Variants in TMEM117 observed in about 807,000 individuals in gnomAD.
TMEM117 encodes the protein transmembrane protein 117.
Under a neutral mutation model 52.4 loss-of-function variants are expected in TMEM117, and 27 were observed. The ratio of observed to expected loss-of-function variants is 0.51; its 90% CI spans 0.38 to 0.71. The LOEUF (loss-of-function observed/expected upper bound fraction) is 0.71, where lower values mean the gene tolerates loss of function less well. TMEM117 is among the 30% of genes least tolerant of loss of function. The probability of loss-of-function intolerance (pLI) is 0.00; values close to 1 mark genes in which losing one functional copy is unlikely to be tolerated. For synonymous variants in TMEM117, 215 were observed against 206.3 expected, an observed-to-expected ratio of 1.04 and a Z score of -0.36; for missense variants, 556 against 630.5, an observed-to-expected ratio of 0.88 and a Z score of 1.26.
chr12:43,819,839 A>G, the TMEM117 span, among the ~76,000 whole-genome samples: 1 of 152,152 alleles, frequency 6.6e-6, no homozygotes, highest in African/African-American at 2.4e-5. Context: ...GAAGGAGGGA[A>G]GGAAGGGGCA....
intron 3 of TMEM117, among the ~76,000 whole-genome samples, chr12:44,107,913 A>G (rs1192500878): frequency 6.6e-6 from 1 of 152,176 alleles, no homozygotes; most frequent in Non-Finnish European, 1.5e-5. Flanking sequence ...TCCTGCACTG[A>G]ACCAATTGAA....
chr12:44,289,449 T>C (rs1216008765), intron 5 of TMEM117, among the ~76,000 whole-genome samples: 3 of 152,094 alleles, frequency 2.0e-5, no homozygotes, highest in African/African-American at 4.8e-5. Context: ...TTATTTTTAA[T>C]TTTTTGAAGA....
chr12:44,209,539 A>C (rs1239218350), intron 4 of TMEM117, among the ~76,000 whole-genome samples: 1 of 152,162 alleles, frequency 6.6e-6, no homozygotes, highest in Admixed American at 6.6e-5. Flanking sequence ...AGTGATTGAC[A>C]GTTTAAAGAG....
rs3907469 is a variant in TMEM117 at position 44,149,234 on chromosome 12, G to A, written c.510+5610G>A. ...TGTTGATCCCAGCTCTGGGGCAGAA[G>A]GAAGCTGGGTTGAGATATGTCCCTT... On this transcript the variant is annotated intron_variant, in intron 4 of 7. Transcript: ENST00000266534. Among the ~76,000 whole-genome samples the A allele has an allele frequency of 2.0e-5, 3 of 152,290 alleles. No individual in the cohort carries two copies. In the East Asian group the frequency reaches 5.8e-4, roughly 29 times the overall value.
intron 6 of TMEM117, among the ~76,000 whole-genome samples, chr12:44,352,993 T>G (rs1445299212): frequency 6.6e-6 from 1 of 152,148 alleles, no homozygotes; most frequent in African/African-American, 2.4e-5. Context: ...CCATTCTAAC[T>G]GGTGTGAGAT....
At chr12:43,924,144 T>C (rs967587479) in intron 2 of TMEM117, among the ~76,000 whole-genome samples, 3 of 152,204 alleles carry the variant, frequency 2.0e-5, no homozygotes, top group African/African-American at 7.2e-5. Context: ...ATCTCTTTTC[T>C]GTAAATACAG....
chr12:44,268,363 C>T (rs1034447241), intron 5 of TMEM117, among the ~76,000 whole-genome samples: 2 of 151,812 alleles, frequency 1.3e-5, no homozygotes, highest in African/African-American at 4.8e-5. Context: ...AGGCTGGTCT[C>T]GAACTCCTGA....
intron 2 of TMEM117, among the ~76,000 whole-genome samples, chr12:43,896,188 C>G (rs1490985060): frequency 6.6e-6 from 1 of 152,194 alleles, no homozygotes; most frequent in Non-Finnish European, 1.5e-5. Flanking sequence ...TAATTGAGCT[C>G]CTACCTTGCA....
chr12:43,919,396 C>T (rs929298104), intron 2 of TMEM117, among the ~76,000 whole-genome samples: 5 of 152,190 alleles, frequency 3.3e-5, no homozygotes, highest in African/African-American at 4.8e-5. Flanking sequence ...CTGTCTTTGT[C>T]CTGTGACTGG....
At chr12:44,182,891 G>A (rs935893926) in intron 4 of TMEM117, among the ~76,000 whole-genome samples, 3 of 152,046 alleles carry the variant, frequency 2.0e-5, no homozygotes, top group African/African-American at 7.2e-5. Context: ...AATCCAAACT[G>A]TTACTTTAAA....
At chr12:44,114,736 A>G (rs868850517) in intron 3 of TMEM117, among the ~76,000 whole-genome samples, 43 of 152,352 alleles carry the variant, frequency 2.8e-4, no homozygotes, top group South Asian at 6.2e-4. Context: ...AAGTCACCAC[A>G]TAAGTATTAG....
chr12:43,848,772 T>C (rs963236438), intron 2 of TMEM117, among the ~76,000 whole-genome samples: 3 of 152,098 alleles, frequency 2.0e-5, no homozygotes, highest in Middle Eastern at 3.2e-3. Flanking sequence ...ATTATAAAAG[T>C]ATTATTTGAG....
At chr12:44,279,548 C>G (rs1950553411) in intron 5 of TMEM117, among the ~76,000 whole-genome samples, 1 of 141,098 alleles carries the variant, frequency 7.1e-6, no homozygotes, top group South Asian at 2.2e-4. Context: ...GAGTCTTGCT[C>G]TGTTGCACAG....
chr12:43,898,042 ACG>A (rs770382479), intron 2 of TMEM117, among the ~76,000 whole-genome samples: 3,628 of 133,176 alleles, frequency 0.027, 114 homozygotes, highest in Admixed American at 0.1. Context: ...ACACACACAC[ACG>A]CACGCACACA....
At chr12:44,260,906 A>G (rs372855838) in intron 5 of TMEM117, among the ~76,000 whole-genome samples, 1 of 152,200 alleles carries the variant, frequency 6.6e-6, no homozygotes, top group South Asian at 2.1e-4. Flanking sequence ...TTTTTTAGCA[A>G]GCTGCTTTTA....
chr12:44,222,244 G>A (rs559140000), intron 5 of TMEM117, among the ~76,000 whole-genome samples: 1 of 152,190 alleles, frequency 6.6e-6, no homozygotes, highest in East Asian at 1.9e-4. Context: ...TTGGACTGCT[G>A]GGACCTAAAG....
chr12:44,120,012 T>C (rs994761046), intron 3 of TMEM117, among the ~76,000 whole-genome samples: 17 of 151,918 alleles, frequency 1.1e-4, no homozygotes, highest in African/African-American at 4.1e-4. Context: ...TCACTTAAAA[T>C]CAGTAGAATG....
intron 3 of TMEM117, chr12:44,009,438 T>C: frequency 4.8e-6 from 1 of 210,244 alleles, no homozygotes. Flanking sequence ...TCTTCAAATG[T>C]CAGCAAACTC....
At chr12:44,085,202 C>T (rs1263061227) in intron 3 of TMEM117, among the ~76,000 whole-genome samples, 2 of 152,104 alleles carry the variant, frequency 1.3e-5, no homozygotes, top group Non-Finnish European at 2.9e-5. Flanking sequence ...TACTTTTACA[C>T]GTGTTTTGTT....
Sources: gnomAD v4.1 joint callset for allele counts (sites outside exome capture counted in the v4.1 genomes callset) on GRCh38, gnomAD v4.1.1 for gene constraint, MANE v1.5 for transcripts, NCBI Gene and HGNC (gene_info 2026-07-23, HGNC 2026-07-21) for gene names.